The following CUX2 variants were observed in gnomAD, a reference collection of about 807,000 sequenced individuals.
CUX2 encodes homeobox protein cut-like 2.
Under a neutral mutation model 144.8 loss-of-function variants are expected in CUX2, and 40 were observed. The ratio of observed to expected loss-of-function variants is 0.28; its 90% CI spans 0.21 to 0.36. CUX2 has a LOEUF of 0.36. Ranked by LOEUF, CUX2 falls within the 10% of genes least tolerant of loss-of-function variation. CUX2 has a pLI of 1.00. For missense variants in CUX2, 1,615 were observed against 1,994.0 expected, an observed-to-expected ratio of 0.81 and a Z score of 3.62; for synonymous variants, 827 against 875.6, an observed-to-expected ratio of 0.94 and a Z score of 0.98.
At chr12:111,083,163 C>T (rs897418818) in intron 1 of CUX2, among the ~76,000 whole-genome samples, 2 of 152,174 alleles carry the variant, frequency 1.3e-5, no homozygotes, top group South Asian at 2.1e-4. Context: ...GGGTCACGAG[C>T]GACCTCAGCC....
At chr12:111,207,079 G>A (rs749962690) in intron 1 of CUX2, among the ~76,000 whole-genome samples, 11 of 152,176 alleles carry the variant, frequency 7.2e-5, no homozygotes, top group African/African-American at 1.2e-4. Flanking sequence ...GTAGTTGGAC[G>A]GATGTTGGAT....
chr12:111,302,314 G>A (rs1886331129), intron 9 of CUX2, among the ~76,000 whole-genome samples: 1 of 152,128 alleles, frequency 6.6e-6, no homozygotes, highest in Admixed American at 6.6e-5. Context: ...TGTTAACAAA[G>A]TTAACCAATT....
intron 1 of CUX2, among the ~76,000 whole-genome samples, chr12:111,042,033 A>G (rs1467040947): frequency 1.3e-5 from 2 of 152,162 alleles, no homozygotes; most frequent in African/African-American, 2.4e-5. Context: ...GTTCAGCCCA[A>G]TGAAACAGCA....
At chr12:111,280,697 G>T (rs1409949784) in intron 4 of CUX2, among the ~76,000 whole-genome samples, 1 of 151,992 alleles carries the variant, frequency 6.6e-6, no homozygotes, top group South Asian at 2.1e-4. Flanking sequence ...GGCACTCCTC[G>T]GCTTCTAGAT....
At chr12:111,230,740 A>G (rs1882425714) in intron 3 of CUX2, among the ~76,000 whole-genome samples, 1 of 152,238 alleles carries the variant, frequency 6.6e-6, no homozygotes, top group Admixed American at 6.5e-5. Context: ...ACCTGTGGAA[A>G]TAACCAGGGC....
chr12:111,232,985 G>A (rs930629827), intron 3 of CUX2, among the ~76,000 whole-genome samples: 1 of 152,196 alleles, frequency 6.6e-6, no homozygotes, highest in African/African-American at 2.4e-5. Flanking sequence ...CTGGGGCTAT[G>A]AGAGCATCCT....
intron 1 of CUX2, among the ~76,000 whole-genome samples, chr12:111,095,621 C>T (rs1282349186): frequency 5.9e-5 from 9 of 152,048 alleles, no homozygotes; most frequent in Non-Finnish European, 1.3e-4. Context: ...TCTCAGTTTC[C>T]TCATTTGTAA....
chr12:111,273,625 G>A (rs1351294005), intron 4 of CUX2, among the ~76,000 whole-genome samples: 6 of 152,194 alleles, frequency 3.9e-5, no homozygotes, highest in Admixed American at 2.6e-4. Flanking sequence ...ATGCAGATGT[G>A]TGCTCGAGGA....
chr12:111,113,272 T>C (rs1416732979), intron 1 of CUX2, among the ~76,000 whole-genome samples: 1 of 152,206 alleles, frequency 6.6e-6, no homozygotes, highest in African/African-American at 2.4e-5. Context: ...CCTGGCAAAG[T>C]GTCTAAGCAG....
At chr12:111,113,384 C>T (rs929682601) in intron 1 of CUX2, among the ~76,000 whole-genome samples, 3 of 152,002 alleles carry the variant, frequency 2.0e-5, no homozygotes, top group African/African-American at 7.3e-5. Flanking sequence ...GGAACAGTTC[C>T]ATCACCCCCC....
At chr12:111,073,421 G>A (rs77820382) in intron 1 of CUX2, among the ~76,000 whole-genome samples, 1,680 of 152,154 alleles carry the variant, frequency 0.011, 12 homozygotes, top group Non-Finnish European at 0.019. Context: ...CATTTGAGTG[G>A]CTTCAGTTGG....
chr12:111,334,685 G>A lies in CUX2; in HGVS notation c.3171G>A (p.Lys1057=), dbSNP rs1888268532. ...CGTACTCCATCACCAAGAGGGTGAA[G>A]GAGGTCCTCACAGACAACAATCTAG... ...LDTYSITKRV[K]EVLTDNNLGQ... is the part of the protein sequence containing the mutation. The change falls in exon 19 of 22, where the codon AAG becomes AAA. Residue 1057 remains lysine (K), a synonymous_variant. Coordinates refer to ENST00000261726, the MANE Select transcript of CUX2 (RefSeq NM_015267.4). The A allele has an allele frequency of 6.2e-7, 1 of 1,612,200 alleles. No homozygotes were observed. Among genetic ancestry groups the A allele is most frequent in the Non-Finnish European group, 8.5e-7 (1 of 1,179,070 alleles).
chr12:111,123,087 C>T (rs1409509197), intron 1 of CUX2, among the ~76,000 whole-genome samples: 3 of 152,198 alleles, frequency 2.0e-5, no homozygotes, highest in Admixed American at 1.3e-4. Flanking sequence ...AGGAGCCTTC[C>T]GTGTCTCTGG....
rs935441460 is a variant in CUX2 at position 111,301,730 on chromosome 12, G to A, written c.754-2480G>A. Reference sequence around the variant, plus strand: ...TGTTGCCCAAGCTGGTCTCAAACTCGTGGTCTCAAGCAATCCTCTCACAGT... The same window carrying A: ...TGTTGCCCAAGCTGGTCTCAAACTCATGGTCTCAAGCAATCCTCTCACAGT... On this transcript the variant is annotated intron_variant, in intron 9 of 21. Transcript: ENST00000261726. Among the ~76,000 whole-genome samples the A allele has an allele frequency of 4.6e-5, 7 of 152,132 alleles. No homozygotes were observed. The South Asian group carries it at 6.2e-4, about 14-fold the overall frequency.
rs776222215 is a variant in CUX2, at chr12:111,310,220, C to T, written c.1438C>T (p.Pro480Ser). The T allele has an allele frequency of 9.9e-6, 15 of 1,512,580 alleles. No homozygotes were observed. The South Asian group carries it at 1.7e-4, about 18-fold the overall frequency. The allele number at this position is 1,512,580 out of a possible 1,614,324, so 93.7% of individuals were successfully genotyped here. A position where few individuals can be genotyped will look rare whatever the true frequency, so the allele number is the denominator to read the frequency against. ...CGGCACTCGGACTTTCTCGCTGTCC[C>T]CCTTCCCCAGCCTGGCATCAGGGGA... ...PDGTRTFSLS[P>S]FPSLASGERL... is the part of the protein sequence containing the mutation. Residue 480 changes from proline (P) to serine (S), a missense_variant, in exon 15 of 22, where the codon CCC (proline) becomes TCC (serine). Coordinates refer to ENST00000261726, the MANE Select transcript of CUX2 (RefSeq NM_015267.4). This position sits in a 1 kb window ranked among gnomAD's most constrained non-coding sequence, Gnocchi z 7.9.
intron 3 of CUX2, among the ~76,000 whole-genome samples, chr12:111,247,417 T>A (rs1408829496): frequency 1.3e-5 from 2 of 152,264 alleles, no homozygotes; most frequent in Non-Finnish European, 2.9e-5. Context: ...GCAGACATGT[T>A]CTTTTAGCTC....
intron 18 of CUX2, among the ~76,000 whole-genome samples, chr12:111,328,289 A>T (rs1023182421): frequency 6.6e-6 from 1 of 152,160 alleles, no homozygotes; most frequent in Non-Finnish European, 1.5e-5. Context: ...TGCCCTGGCC[A>T]CTGGGGCGGG....
At chr12:111,285,583 G>A (rs766546735) in intron 4 of CUX2, among the ~76,000 whole-genome samples, 1 of 152,188 alleles carries the variant, frequency 6.6e-6, no homozygotes, top group Non-Finnish European at 1.5e-5. Flanking sequence ...CCCCTGCTTA[G>A]AGCCAGCAAG....
chr12:111,196,692 C>T (rs556232033), intron 1 of CUX2, among the ~76,000 whole-genome samples: 1 of 152,320 alleles, frequency 6.6e-6, no homozygotes, highest in African/African-American at 2.4e-5. Context: ...ACGGTAGCCA[C>T]TACCCGTTGT....
Sources: gnomAD v4.1 joint callset for allele counts (sites outside exome capture counted in the v4.1 genomes callset) on GRCh38, gnomAD v4.1.1 for gene constraint, Gnocchi (gnomAD v3.1) non-coding constraint, MANE v1.5 for transcripts, NCBI Gene and HGNC (gene_info 2026-07-23, HGNC 2026-07-21) for gene names.